The following WDR59 variants were observed in gnomAD, a reference collection of about 807,000 sequenced individuals.
WDR59 encodes the protein WD repeat domain 59, also known as GATOR2 complex protein WDR59.
WDR59 carries 100 observed loss-of-function variants against 131.2 expected under a neutral mutation model. That is an observed-to-expected ratio of 0.76 (90% CI 0.65 to 0.90). The LOEUF is 0.90. Among genes scored for constraint, WDR59 ranks in the 40% least tolerant of loss-of-function variants. WDR59 has a pLI of 0.00. For missense variants in WDR59, 1,203 were observed against 1,262.2 expected, an observed-to-expected ratio of 0.95 and a Z score of 0.71; for synonymous variants, 601 against 466.2, an observed-to-expected ratio of 1.29 and a Z score of -3.72.
intron 8 of WDR59, among the ~76,000 whole-genome samples, chr16:74,933,434 T>A (rs1460421096): frequency 6.6e-6 from 1 of 151,760 alleles, no homozygotes; most frequent in African/African-American, 2.4e-5. Context: ...ACCAAAATAC[T>A]GTTACTTTTT....
At chr16:74,907,913 T>C (rs1386217692) in intron 17 of WDR59, among the ~76,000 whole-genome samples, 1 of 152,194 alleles carries the variant, frequency 6.6e-6, no homozygotes, top group Non-Finnish European at 1.5e-5. Context: ...TTAGATAACT[T>C]GCCCAAGGTC....
intron 17 of WDR59, 41 bp downstream of exon 17, chr16:74,908,867 C>T (rs765719226): frequency 1.3e-6 from 2 of 1,590,026 alleles, no homozygotes; most frequent in East Asian, 2.2e-5. Flanking sequence ...CCACTTCTGG[C>T]CCCGGGAACG....
At position 74,922,040 on chromosome 16, in the gene WDR59, G is replaced by A. The variant is rs1436827719; in HGVS notation, c.793C>T (p.Leu265=). ...GTGTTCAAGTCAAAGACATTCCACA[G>A]GAGAAGGCTGTTTTCCCTCCGCAGC... is the stretch of plus-strand genomic sequence containing the variant. ...PQLRRENSLL[L]WNVFDLNTPV... Residue 265 remains leucine, a synonymous_variant, in exon 10 of 26, where the codon CTG becomes TTG. Coordinates refer to ENST00000262144, the MANE Select transcript of WDR59 (RefSeq NM_030581.4). 4 of 1,614,088 alleles carry A rather than the reference G, an allele frequency of 2.5e-6. No homozygotes were observed. The highest frequency in any genetic ancestry group is 3.4e-6 in the Non-Finnish European group (4 of 1,180,046).
Position 74,909,503 on chromosome 16 carries a change from G to C in WDR59, c.1640C>G (p.Ala547Gly). 2 of 1,565,566 alleles carry C rather than the reference G, an allele frequency of 1.3e-6. No individual in the cohort carries two copies. The highest frequency in any genetic ancestry group is 1.7e-6 in the Non-Finnish European group (2 of 1,159,282). Residue 547 changes from alanine (A) to glycine (G), a missense_variant and splice_region_variant, in exon 16 of 26, where the codon GCA (alanine) becomes GGA (glycine). Physicochemically the swap from Ala to Gly is moderately conservative, Grantham distance 60. Transcript: ENST00000262144. Reference protein sequence around the residue: ...PRTSGARFCGAGYLVYFTRPM... With the variant: ...PRTSGARFCGGGYLVYFTRPM... ...ATCAAAGAACCAAAGAGACCCACCT[G>C]CTCCGCAGAACCTGGCCCCAGAAGT...
At chr16:74,909,343 C>T (rs977597914) in intron 16 of WDR59, among the ~76,000 whole-genome samples, 158 bp downstream of exon 16, 2 of 152,114 alleles carry the variant, frequency 1.3e-5, no homozygotes, top group African/African-American at 4.8e-5. Flanking sequence ...CCACAGACAC[C>T]GACTGGGCCT....
intron 10 of WDR59, among the ~76,000 whole-genome samples, chr16:74,919,435 A>T (rs1356340449): frequency 6.6e-6 from 1 of 151,758 alleles, no homozygotes; most frequent in Non-Finnish European, 1.5e-5. Context: ...CTGGTTCAGG[A>T]AATTCTCCTG....
In WDR59 at chr16:74,887,258, T is replaced by A. The variant is rs577260263; in HGVS notation, c.2419+425A>T. Among the ~76,000 whole-genome samples, 7 of 152,166 alleles carry A rather than the reference T, an allele frequency of 4.6e-5. No individual in the cohort carries two copies. In the East Asian group the frequency reaches 1.4e-3, roughly 29 times the overall value. On this transcript the variant is annotated intron_variant, in intron 23 of 25. Transcript: ENST00000262144. ...TTTTAAAAACCTTTTTTTTTTTAAA[T>A]CCAGGAAACACAAATACACCTTACT... is the stretch of plus-strand genomic sequence containing the variant.
At chr16:74,909,428 G>C in intron 16 of WDR59, 73 bp downstream of exon 16, 5 of 1,465,910 alleles carry the variant, frequency 3.4e-6, no homozygotes, top group Non-Finnish European at 3.6e-6. Flanking sequence ...TGATGAAGAT[G>C]TTTATACAGA....
chr16:74,972,957 G>C (rs2034047602), intron 1 of WDR59, among the ~76,000 whole-genome samples: 1 of 151,850 alleles, frequency 6.6e-6, no homozygotes, highest in Admixed American at 6.6e-5. Flanking sequence ...TATTGGCCAG[G>C]CACGGTCGCT....
chr16:74,897,846 A>C (rs1050023676), intron 18 of WDR59, among the ~76,000 whole-genome samples: 1 of 152,218 alleles, frequency 6.6e-6, no homozygotes, highest in Non-Finnish European at 1.5e-5. Context: ...GTTTTTAAAC[A>C]TAAATATCTC....
chr16:74,880,693 T>TTAA (rs1206098982), intron 25 of WDR59, among the ~76,000 whole-genome samples: 1 of 152,132 alleles, frequency 6.6e-6, no homozygotes, highest in Non-Finnish European at 1.5e-5. Flanking sequence ...AGGTGAAACT[T>TTAA]GATAGAGGTG....
chr16:74,900,332 G>C (rs903419010), intron 18 of WDR59, among the ~76,000 whole-genome samples: 7 of 152,080 alleles, frequency 4.6e-5, no homozygotes, highest in Non-Finnish European at 1.0e-4. Flanking sequence ...GGAGAAACGG[G>C]GGGAAGGAAG....
chr16:74,981,257 T>C (rs901263682), intron 1 of WDR59, among the ~76,000 whole-genome samples: 1 of 151,150 alleles, frequency 6.6e-6, no homozygotes, highest in African/African-American at 2.4e-5. Context: ...GCGCCTGTAG[T>C]CCCAGCTACT....
At chr16:74,916,284 G>T (rs768510779) in intron 11 of WDR59, 25 bp from the exon 12 acceptor site, 1 of 1,612,870 alleles carries the variant, frequency 6.2e-7, no homozygotes, top group South Asian at 1.1e-5. Flanking sequence ...AGAAGATGTA[G>T]TTCTAGAGAA....
intron 10 of WDR59, among the ~76,000 whole-genome samples, chr16:74,920,261 G>A (rs1053463121): frequency 6.6e-6 from 1 of 152,088 alleles, no homozygotes; most frequent in Admixed American, 6.6e-5. Flanking sequence ...TAAAGTATAT[G>A]AGATATTCAA....
At chr16:74,941,666 T>C (rs1247743920) in intron 7 of WDR59, among the ~76,000 whole-genome samples, 2 of 148,370 alleles carry the variant, frequency 1.3e-5, no homozygotes, top group African/African-American at 5.0e-5. Flanking sequence ...TACTCCAGCC[T>C]GGACGACAGA....
chr16:74,984,461 G>A (rs1727229487), intron 1 of WDR59: 1 of 176,706 alleles, frequency 5.7e-6, no homozygotes, highest in Admixed American at 5.5e-5. Flanking sequence ...TCCACTACAC[G>A]GTATTTTCCA....
At chr16:74,962,878 C>T (rs1018454894) in intron 2 of WDR59, 5 of 151,526 alleles carry the variant, frequency 3.3e-5, no homozygotes, top group East Asian at 1.9e-4. Flanking sequence ...GTGAGAGATT[C>T]CTGAAAGACC....
At chr16:74,921,810 GGC>G in intron 10 of WDR59, 135 bp downstream of exon 10, 1 of 1,063,612 alleles carries the variant, frequency 9.4e-7, no homozygotes, top group Admixed American at 2.9e-5. Flanking sequence ...GACGAAAGGT[GGC>G]AACAGCCCTG....
Sources: gnomAD v4.1 joint callset for allele counts (sites outside exome capture counted in the v4.1 genomes callset) on GRCh38, gnomAD v4.1.1 for gene constraint, MANE v1.5 for transcripts, NCBI Gene and HGNC (gene_info 2026-07-23, HGNC 2026-07-21) for gene names.